Variants in ESRP1 observed in about 807,000 individuals in gnomAD.
ESRP1 encodes the protein RNA-binding motif protein 35A.
ESRP1 carries 33 observed loss-of-function variants against 81.7 expected under a neutral mutation model. The observed-to-expected ratio is 0.40, with a 90% CI of 0.31 to 0.54. The LOEUF is 0.54. ESRP1 is among the 20% of genes least tolerant of loss of function. ESRP1 has a pLI of 0.41. For synonymous variants in ESRP1, 320 were observed against 303.3 expected, an observed-to-expected ratio of 1.06 and a Z score of -0.57; for missense variants, 672 against 833.1, an observed-to-expected ratio of 0.81 and a Z score of 2.38.
chr8:94,671,554 C>T lies in ESRP1; in HGVS notation c.1335C>T (p.Asp445=), dbSNP rs779357302. The change falls in exon 11 of 16, where the codon GAC becomes GAT. Residue 445 remains aspartate (D), a synonymous_variant. Transcript: ENST00000433389. The part of the protein sequence containing the change: ...QQFVPPTNVR[D]CIRLRGLPYA... ...TTGTGCCCCCTACAAATGTTAGAGA[C>T]TGTATACGCCTTCGAGGTCTTCCCT... 1.4e-5 allele frequency: 22 copies of T among 1,613,914 alleles called. No homozygotes were observed. Among genetic ancestry groups the T allele is most frequent in the East Asian group, 2.2e-5 (1 of 44,882 alleles).
chr8:94,676,524 G>A (rs1483089801), intron 12 of ESRP1, among the ~76,000 whole-genome samples: 2 of 151,716 alleles, frequency 1.3e-5, no homozygotes, highest in African/African-American at 4.8e-5. Flanking sequence ...GTTTTGAGAC[G>A]GAGTCTTGCT....
intron 14 of ESRP1, among the ~76,000 whole-genome samples, chr8:94,695,371 T>TTTTTTTTTTTTTTTTTTTC (rs1351009238): frequency 8.9e-6 from 1 of 111,996 alleles, no homozygotes; most frequent in Non-Finnish European, 1.7e-5. Context: ...TTTTTTTTTT[T>TTTTTTTTTTTTTTTTTTTC]TGAGACGGAG....
intron 11 of ESRP1, among the ~76,000 whole-genome samples, chr8:94,672,628 G>A (rs1205770453): frequency 6.6e-6 from 1 of 151,976 alleles, no homozygotes; most frequent in Non-Finnish European, 1.5e-5. Context: ...TGCCTCCTGA[G>A]TTCAAGCAAT....
Position 94,694,327 on chromosome 8 carries a change from C to G in ESRP1, c.1971+1500C>G, listed in dbSNP as rs374675199. Among the ~76,000 whole-genome samples, 5 of 152,252 alleles carry G rather than the reference C, an allele frequency of 3.3e-5. No individual in the cohort carries two copies. In the South Asian group the frequency reaches 6.2e-4, roughly 19 times the overall value. On this transcript the variant is annotated intron_variant, in intron 14 of 15. Coordinates refer to ENST00000433389, the MANE Select transcript of ESRP1 (RefSeq NM_017697.4). The stretch of plus-strand genomic sequence containing the variant: ...TGCTCTTTATTATTAAGAGTGTTGG[C>G]CAGGCATGGTGGCTCACGCCTGTAA...
chr8:94,660,709 C>CAAAAAAA (rs60316449), intron 4 of ESRP1, among the ~76,000 whole-genome samples: 23 of 43,544 alleles, frequency 5.3e-4, no homozygotes, highest in African/African-American at 7.5e-4. Flanking sequence ...GAGACTATCT[C>CAAAAAAA]AAAAAAAAAA....
At chr8:94,646,316 A>G in intron 4 of ESRP1, 34 bp downstream of exon 4, 3 of 1,305,364 alleles carry the variant, frequency 2.3e-6, no homozygotes, top group Non-Finnish European at 2.1e-6. Flanking sequence ...GAATCATTTG[A>G]AAAGATAGTT....
intron 10 of ESRP1, among the ~76,000 whole-genome samples, chr8:94,669,476 G>A (rs1819195691): frequency 1.3e-5 from 2 of 152,058 alleles, no homozygotes; most frequent in Admixed American, 1.3e-4. Flanking sequence ...AATTATTTTT[G>A]TACTTAAAAT....
chr8:94,650,714 C>T (rs752855587), intron 4 of ESRP1, among the ~76,000 whole-genome samples: 5 of 147,374 alleles, frequency 3.4e-5, no homozygotes, highest in Non-Finnish European at 7.6e-5. Flanking sequence ...TTTTTTAAAT[C>T]ATTTTTATTT....
At chr8:94,705,702 C>G in intron 15 of ESRP1, 1 of 523,028 alleles carries the variant, frequency 1.9e-6, no homozygotes. Flanking sequence ...AGAACGCCAA[C>G]TACTGTGTAA....
At chr8:94,678,509 G>GAAACA in intron 13 of ESRP1, 138 bp downstream of exon 13, 1 of 984,308 alleles carries the variant, frequency 1.0e-6, no homozygotes, top group Non-Finnish European at 1.5e-6. Context: ...TCATATCTCT[G>GAAACA]ACCAAGAAGG....
chr8:94,664,207 T>G (rs551820694), intron 6 of ESRP1, among the ~76,000 whole-genome samples: 1 of 140,062 alleles, frequency 7.1e-6, no homozygotes, highest in Non-Finnish European at 1.5e-5. Context: ...CACTGCAGCC[T>G]CCACCTCCCA....
At chr8:94,700,208 T>C (rs73695571) in intron 15 of ESRP1, among the ~76,000 whole-genome samples, 3,084 of 152,302 alleles carry the variant, frequency 0.02, 95 homozygotes, top group African/African-American at 0.069. Flanking sequence ...GCATGGTGGC[T>C]ACCGAGATAC....
At chr8:94,642,254 G>T (rs771787177) in intron 2 of ESRP1, among the ~76,000 whole-genome samples, 170 bp downstream of exon 2, 1 of 152,254 alleles carries the variant, frequency 6.6e-6, no homozygotes, top group African/African-American at 2.4e-5. Context: ...TTGGGCGGGG[G>T]TCGCTGCTTC....
intron 15 of ESRP1, among the ~76,000 whole-genome samples, chr8:94,704,414 G>A (rs1809972893): frequency 6.6e-6 from 1 of 151,944 alleles, no homozygotes; most frequent in African/African-American, 2.4e-5. Flanking sequence ...CTGAGTTTGA[G>A]ACTAGCCTGG....
Position 94,689,811 on chromosome 8 carries a change from C to CTTTTTTTTTTTTTTTTTTTTT in ESRP1, c.1821-2861_1821-2841dup, listed in dbSNP as rs58359551. On this transcript the variant is annotated intron_variant, in intron 13 of 15. Coordinates refer to ENST00000433389, the MANE Select transcript of ESRP1 (RefSeq NM_017697.4). The stretch of plus-strand genomic sequence containing the variant: ...CACAGGCATGTGCTATGATGCCTGG[C>CTTTTTTTTTTTTTTTTTTTTT]TTTTTTTTTTTTTTTTTTTTTTTTT... Among the ~76,000 whole-genome samples the CTTTTTTTTTTTTTTTTTTTTT allele has an allele frequency of 2.6e-3, 168 of 64,644 alleles. 15 individuals are homozygous for CTTTTTTTTTTTTTTTTTTTTT. Among genetic ancestry groups the CTTTTTTTTTTTTTTTTTTTTT allele is most frequent in the Middle Eastern group, 7.8e-3 (1 of 128 alleles). The allele number at this position is 64,644 out of a possible 152,430, so 42.4% of individuals were successfully genotyped here.
chr8:94,655,827 G>T (rs1173301718), intron 4 of ESRP1: 6 of 152,184 alleles, frequency 3.9e-5, no homozygotes, highest in Non-Finnish European at 8.8e-5. Flanking sequence ...GGAAGCGGAG[G>T]TTGCAGTAAG....
Position 94,684,180 on chromosome 8 carries a change from T to C in ESRP1, c.1820+5809T>C, listed in dbSNP as rs181830080. Reference sequence around the variant, plus strand: ...ATTTAAGTTTAGTTACCAAACTTTTTTGACAGCACATAAATTTGCCAGGTA... The same window carrying C: ...ATTTAAGTTTAGTTACCAAACTTTTCTGACAGCACATAAATTTGCCAGGTA... On this transcript the variant is annotated intron_variant, in intron 13 of 15. Coordinates refer to ENST00000433389, the MANE Select transcript of ESRP1 (RefSeq NM_017697.4). Among the ~76,000 whole-genome samples, 369 of 152,344 alleles carry C rather than the reference T, an allele frequency of 2.4e-3. 2 individuals carry two copies. Among genetic ancestry groups the C allele is most frequent in the Middle Eastern group, 0.01 (3 of 294 alleles).
At chr8:94,704,385 G>T (rs1809971025) in intron 15 of ESRP1, among the ~76,000 whole-genome samples, 2 of 151,920 alleles carry the variant, frequency 1.3e-5, no homozygotes, top group Admixed American at 6.6e-5. Flanking sequence ...AGAATGCCAG[G>T]CAAGAGGAAC....
chr8:94,699,220 A>G (rs1469467106), intron 15 of ESRP1, among the ~76,000 whole-genome samples: 1 of 152,170 alleles, frequency 6.6e-6, no homozygotes, highest in African/African-American at 2.4e-5. Flanking sequence ...CTAGTTTTCT[A>G]CCCTGTGTTT....
Sources: allele counts gnomAD v4.1 joint callset (sites outside exome capture counted in the v4.1 genomes callset), GRCh38; gene constraint gnomAD v4.1.1; transcripts MANE v1.5; gene names NCBI Gene and HGNC (gene_info 2026-07-23, HGNC 2026-07-21).